The following RPL5 variants were observed in gnomAD, a reference collection of about 807,000 sequenced individuals.
The protein encoded by RPL5 is ribosomal protein L5, also known as large ribosomal subunit protein uL18.
Under a neutral mutation model 38.4 loss-of-function variants are expected in RPL5, and 1 was observed. That is an observed-to-expected ratio of 0.03 (90% confidence interval 0.01 to 0.12). The LOEUF (loss-of-function observed/expected upper bound fraction) is 0.12. RPL5 is among the 10% of genes least tolerant of loss of function. RPL5 has a pLI of 1.00. For missense variants in RPL5, 243 were observed against 374.1 expected (o/e 0.65, Z 2.89); for synonymous variants, 109 against 121.2 (o/e 0.90, Z 0.66).
In RPL5 at chr1:92,834,784, T is replaced by C. The variant is rs1389749118; in HGVS notation, c.195T>C (p.Ala65=). The change falls in exon 4 of 8, where the codon GCT becomes GCC. Residue 65 remains alanine (A), a synonymous_variant. Coordinates refer to ENST00000370321, the MANE Select transcript of RPL5 (RefSeq NM_000969.5). ...VTNRDIICQI[A]YARIEGDMIV... ...TAGTTTCTCTCTTACTATAGATTGCTTATGCCCGTATAGAGGGGGATATGA... is the reference window on the plus strand; with the variant it reads ...TAGTTTCTCTCTTACTATAGATTGCCTATGCCCGTATAGAGGGGGATATGA... 6.2e-7 allele frequency: 1 copy of C among 1,613,204 alleles called. No individual in the cohort carries two copies. The highest frequency in any genetic ancestry group is 8.5e-7 in the Non-Finnish European group (1 of 1,179,862).
chr1:92,833,141 A>G, intron 1 of RPL5: 2 of 669,768 alleles, frequency 3.0e-6, no homozygotes, highest in Middle Eastern at 2.5e-4. Context: ...TGCATTTTGT[A>G]TGTTTCTTTT....
At chr1:92,838,565 G>A (rs1687214504) in intron 6 of RPL5, among the ~76,000 whole-genome samples, 1 of 152,190 alleles carries the variant, frequency 6.6e-6, no homozygotes, top group African/African-American at 2.4e-5. Flanking sequence ...TTTGGCTAAT[G>A]TATTTTTCTA....
At chr1:92,839,473 G>A (rs1411245764) in intron 6 of RPL5, among the ~76,000 whole-genome samples, 4 of 152,176 alleles carry the variant, frequency 2.6e-5, no homozygotes, top group African/African-American at 9.6e-5. Flanking sequence ...GGATAGATTG[G>A]TGGTAGTGAA....
rs1227628823 is a variant in RPL5, at chr1:92,836,232, G to C, written c.367G>C (p.Val123Leu). The C allele has an allele frequency of 1.2e-6, 2 of 1,613,184 alleles. No individual in the cohort carries two copies. Among genetic ancestry groups the C allele is most frequent in the African/African-American group, 2.7e-5 (2 of 74,930 alleles). The change falls in exon 5 of 8, where the codon GTG (valine) becomes CTG (leucine). Residue 123 changes from valine to leucine, a missense_variant. Physicochemically the swap from Val to Leu is conservative, Grantham distance 32. Coordinates refer to ENST00000370321, the MANE Select transcript of RPL5 (RefSeq NM_000969.5). ...FGMDKIYEGQ[V>L]EVTGDEYNVE... is the part of the protein sequence containing the mutation. ...CATGGACAAGATCTATGAAGGCCAA[G>C]TGGAGGTGACTGGTGATGAATACAA...
intron 1 of RPL5, chr1:92,832,947 GTGTTCCGAACAAACC>G: frequency 1.4e-6 from 1 of 710,198 alleles, no homozygotes; most frequent in East Asian, 2.6e-5. Flanking sequence ...GGGACATAGC[GTGTTCCGAACAAACC>G]GACGTTTGGC....
intron 1 of RPL5, chr1:92,832,705 T>C (rs1446289980): frequency 2.5e-6 from 1 of 395,798 alleles, no homozygotes; most frequent in Non-Finnish European, 4.5e-6. Context: ...CTCCTGCCTC[T>C]TCCTCTAGAG....
At chr1:92,835,010 T>G in intron 4 of RPL5, 97 bp downstream of exon 4, 1 of 1,552,926 alleles carries the variant, frequency 6.4e-7, no homozygotes, top group Admixed American at 1.7e-5. Context: ...GCTTAAGTTG[T>G]GCTTCAGGAG....
chr1:92,833,236 G>A, intron 1 of RPL5, 153 bp from the exon 2 acceptor site: 3 of 675,102 alleles, frequency 4.4e-6, no homozygotes, highest in Non-Finnish European at 8.0e-6. Context: ...AAAGATTCTT[G>A]ACCCTAGTTG....
In RPL5 at chr1:92,832,081, G is replaced by C. The variant is rs372196117; in HGVS notation, c.-34G>C. 4.3e-6 allele frequency: 7 copies of C among 1,613,878 alleles called. No individual in the cohort carries two copies. Among genetic ancestry groups the C allele is most frequent in the Non-Finnish European group, 5.9e-6 (7 of 1,179,896 alleles). The stretch of plus-strand genomic sequence containing the variant: ...AGCGCCGCTGGGCCTGCAGGTCTCT[G>C]TCGAGCAGCGGACGCCGGTCTCTGT... On this transcript the variant is annotated 5_prime_UTR_variant, in exon 1 of 8. Coordinates refer to ENST00000370321, the MANE Select transcript of RPL5 (RefSeq NM_000969.5).
At chr1:92,836,049 G>A in intron 4 of RPL5, 141 bp from the exon 5 acceptor site, 1 of 731,810 alleles carries the variant, frequency 1.4e-6, no homozygotes. Context: ...TCATGAGCAA[G>A]TGGATCTGGT....
chr1:92,838,702 T>TCTG (rs1687219161), intron 6 of RPL5, among the ~76,000 whole-genome samples: 1 of 152,244 alleles, frequency 6.6e-6, no homozygotes, highest in Non-Finnish European at 1.5e-5. Flanking sequence ...TATCTACATG[T>TCTG]CTGCTTGTCT....
intron 3 of RPL5, 160 bp downstream of exon 3, chr1:92,833,820 A>G: frequency 1.6e-6 from 1 of 632,330 alleles, no homozygotes; most frequent in East Asian, 2.7e-5. Context: ...GAACCTGGGA[A>G]CTTGGTACTT....
At chr1:92,834,388 C>T (rs905100130) in intron 3 of RPL5, among the ~76,000 whole-genome samples, 6 of 152,132 alleles carry the variant, frequency 3.9e-5, no homozygotes, top group Admixed American at 2.0e-4. Flanking sequence ...AAGCTAGAAT[C>T]CTGGGCTTTT....
intron 3 of RPL5, 133 bp from the exon 4 acceptor site, chr1:92,834,646 C>A: frequency 8.3e-7 from 1 of 1,206,296 alleles, no homozygotes; most frequent in Non-Finnish European, 1.2e-6. Flanking sequence ...GGTAACCCAG[C>A]TAAGAGTCTT....
intron 6 of RPL5, among the ~76,000 whole-genome samples, chr1:92,837,961 C>A (rs1687192390): frequency 6.6e-6 from 1 of 152,182 alleles, no homozygotes; most frequent in African/African-American, 2.4e-5. Context: ...CTCTTCATAG[C>A]ATATGTGTGC....
chr1:92,841,424 GC>G (rs1386170644), intron 7 of RPL5, among the ~76,000 whole-genome samples: 4 of 152,084 alleles, frequency 2.6e-5, no homozygotes, highest in Non-Finnish European at 5.9e-5. Context: ...TTTATCTGTT[GC>G]TATTAATATA....
intron 7 of RPL5, chr1:92,840,877 A>T: frequency 1.6e-6 from 1 of 620,864 alleles, no homozygotes; most frequent in African/African-American, 1.8e-5. Flanking sequence ...GCATTTTTTT[A>T]TTGGCTGACA....
chr1:92,832,160 T>C, intron 1 of RPL5, 43 bp downstream of exon 1: 1 of 1,613,050 alleles, frequency 6.2e-7, no homozygotes, highest in Non-Finnish European at 8.5e-7. Context: ...TGCATGGAGG[T>C]TCCCTTTTCT....
At chr1:92,834,323 CT>C (rs1687032859) in intron 3 of RPL5, among the ~76,000 whole-genome samples, 1 of 152,146 alleles carries the variant, frequency 6.6e-6, no homozygotes, top group Non-Finnish European at 1.5e-5. Flanking sequence ...CATGAAAGAC[CT>C]TTAGGAAGTG....
Sources: allele counts gnomAD v4.1 joint callset (sites outside exome capture counted in the v4.1 genomes callset), GRCh38; gene constraint gnomAD v4.1.1; transcripts MANE v1.5; gene names NCBI Gene and HGNC (gene_info 2026-07-23, HGNC 2026-07-21).